IPO8: variants seen among roughly 807,000 people sequenced by gnomAD.
IPO8 encodes importin-8.
Under a neutral mutation model 141.2 loss-of-function variants are expected in IPO8, and 65 were observed. That is an observed-to-expected ratio of 0.46 (90% CI 0.38 to 0.57). The LOEUF is 0.57. Ranked by LOEUF, IPO8 falls within the 20% of genes least tolerant of loss-of-function variation. The pLI is 0.00. For synonymous variants in IPO8, 411 were observed against 420.3 expected (o/e 0.98, Z 0.27); for missense variants, 980 against 1,246.8 (o/e 0.79, Z 3.22).
At chr12:30,660,303 G>A (rs1369754438) in intron 16 of IPO8, among the ~76,000 whole-genome samples, 1 of 152,140 alleles carries the variant, frequency 6.6e-6, no homozygotes, top group Non-Finnish European at 1.5e-5. Flanking sequence ...TGCCATCAGT[G>A]CCAAACAAGT....
chr12:30,670,471 A>G (rs1025024057), intron 9 of IPO8, among the ~76,000 whole-genome samples: 1 of 152,182 alleles, frequency 6.6e-6, no homozygotes, highest in Non-Finnish European at 1.5e-5. Flanking sequence ...CCTTTAGGCA[A>G]ACGATATAGA....
chr12:30,645,524 A>G (rs966738530), intron 20 of IPO8, among the ~76,000 whole-genome samples: 9 of 152,160 alleles, frequency 5.9e-5, no homozygotes, highest in African/African-American at 2.2e-4. Flanking sequence ...GGGAAAAAAT[A>G]AGGATTAGAG....
At chr12:30,662,775 C>A (rs2052907198) in intron 14 of IPO8, among the ~76,000 whole-genome samples, 1 of 152,134 alleles carries the variant, frequency 6.6e-6, no homozygotes, top group Non-Finnish European at 1.5e-5. Context: ...ATTATACATA[C>A]ACTTGGTCAT....
Position 30,663,516 on chromosome 12 carries a change from G to A in IPO8, c.1567C>T (p.Gln523Ter). 1 of 1,613,174 alleles carries A rather than the reference G, an allele frequency of 6.2e-7. No homozygotes were observed. Among genetic ancestry groups the A allele is most frequent in the Non-Finnish European group, 8.5e-7 (1 of 1,179,614 alleles). The change falls in exon 14 of 25, where the codon CAG (glutamine) becomes TAG (stop). Residue 523 changes from glutamine to a stop codon, truncating the protein, a stop_gained. Coordinates refer to ENST00000256079, the MANE Select transcript of IPO8 (RefSeq NM_006390.4). LOFTEE classifies it high-confidence loss of function. ...TGTATCTGGTTAGAAATTAAAGACT[G>A]AAGAGCAAGGGCAGCTTCAACTTTG... ...PVKVEAALAL[Q>*]SLISNQIQAK...
At chr12:30,655,707 A>G (rs1283423770) in intron 17 of IPO8, among the ~76,000 whole-genome samples, 1 of 152,202 alleles carries the variant, frequency 6.6e-6, no homozygotes, top group Non-Finnish European at 1.5e-5. Flanking sequence ...ATAGTATCCC[A>G]CTGTTTATAT....
chr12:30,675,216 G>T (rs1359349269), intron 6 of IPO8, among the ~76,000 whole-genome samples: 1 of 152,130 alleles, frequency 6.6e-6, no homozygotes, highest in Non-Finnish European at 1.5e-5. Context: ...AATTTTAATA[G>T]ATACAAGAAC....
At chr12:30,690,834 T>A (rs763544089) in intron 1 of IPO8, among the ~76,000 whole-genome samples, 37 of 152,356 alleles carry the variant, frequency 2.4e-4, no homozygotes, top group Non-Finnish European at 4.6e-4. Context: ...CCAGAAGTAG[T>A]ATACCAATTT....
chr12:30,665,804 T>C lies in IPO8; in HGVS notation c.1263A>G (p.Thr421=), dbSNP rs1365448342. The change falls in exon 12 of 25, where the codon ACA becomes ACG. Residue 421 remains threonine (T), a synonymous_variant. Coordinates refer to ENST00000256079, the MANE Select transcript of IPO8 (RefSeq NM_006390.4). ...KMMAFCYQIL[T]DPNFDPRKKD... ...TCTTCCTAGGGTCAAAGTTCGGGTC[T>C]GTCAGGATTTGATAACAGAATGCCA... The C allele has an allele frequency of 8.1e-6, 13 of 1,613,644 alleles. No individual in the cohort carries two copies. The highest frequency in any genetic ancestry group is 1.1e-5 in the Non-Finnish European group (13 of 1,179,784).
At chr12:30,643,337 G>A (rs963765059) in intron 20 of IPO8, among the ~76,000 whole-genome samples, 11 of 152,196 alleles carry the variant, frequency 7.2e-5, no homozygotes, top group African/African-American at 2.7e-4. Flanking sequence ...TAATTTACAG[G>A]AAATTTAGAG....
Position 30,676,912 on chromosome 12 carries a change from C to T in IPO8, c.640-325G>A, listed in dbSNP as rs970058192. 7 of 1,529,570 alleles carry T rather than the reference C, an allele frequency of 4.6e-6. No homozygotes were observed. In the East Asian group the frequency reaches 1.7e-4, roughly 37 times the overall value. 94.7% of individuals were successfully genotyped at this position (1,529,570 alleles called of 1,614,324 possible). A position where few individuals can be genotyped will look rare whatever the true frequency, so the allele number is the denominator to read the frequency against. ...ATGACTTACCCCTTTGAGGGTCAAA[C>T]TTTCCATTTTAACCACCTTGATGAA... On this transcript the variant is annotated intron_variant, in intron 5 of 24. Coordinates refer to ENST00000256079, the MANE Select transcript of IPO8 (RefSeq NM_006390.4).
intron 13 of IPO8, among the ~76,000 whole-genome samples, 196 bp from the exon 14 acceptor site, chr12:30,663,850 A>G (rs1258184301): frequency 1.3e-5 from 2 of 152,222 alleles, no homozygotes; most frequent in Non-Finnish European, 2.9e-5. Context: ...CTTCTAAATT[A>G]CCCATATGCA....
chr12:30,676,822 G>T, intron 5 of IPO8: 1 of 1,098,412 alleles, frequency 9.1e-7, no homozygotes, highest in South Asian at 1.4e-5. Context: ...TTTTTAAAAG[G>T]AAAAACAAAT....
In IPO8 at chr12:30,665,845, C is replaced by T. The variant is rs981878481; in HGVS notation, c.1222G>A (p.Val408Met). ...LYTAAKKRKE[V>M]LPKMMAFCYQ... Reference sequence around the variant, plus strand: ...CAGAATGCCATCATTTTTGGCAACACCTAAAGAAACAGAAGAATCCATTTA... The same window carrying T: ...CAGAATGCCATCATTTTTGGCAACATCTAAAGAAACAGAAGAATCCATTTA... The change falls in exon 12 of 25, where the codon GTG (valine) becomes ATG (methionine). Residue 408 changes from valine to methionine, a missense_variant and splice_region_variant. By Grantham distance (21) the Val-to-Met change is conservative (BLOSUM62 1). Coordinates refer to ENST00000256079, the MANE Select transcript of IPO8 (RefSeq NM_006390.4). 12 of 1,589,940 alleles carry T rather than the reference C, an allele frequency of 7.5e-6. No homozygotes were observed. The highest frequency in any genetic ancestry group is 1.3e-5 in the African/African-American group (1 of 74,352).
At chr12:30,683,917 T>C (rs772331954) in intron 3 of IPO8, among the ~76,000 whole-genome samples, 5 of 152,156 alleles carry the variant, frequency 3.3e-5, no homozygotes, top group Admixed American at 2.0e-4. Context: ...AGACAGGTAG[T>C]AGGTAAAAAT....
chr12:30,680,510 A>G lies in IPO8; in HGVS notation c.611T>C (p.Ile204Thr), dbSNP rs1403213277. The G allele has an allele frequency of 6.2e-7, 1 of 1,611,588 alleles. No individual in the cohort carries two copies. Among genetic ancestry groups the G allele is most frequent in the Non-Finnish European group, 8.5e-7 (1 of 1,178,964 alleles). Residue 204 changes from isoleucine (I) to threonine (T), a missense_variant, in exon 5 of 25, where the codon ATT becomes ACT. Ile to Thr is a moderately conservative substitution (Grantham distance 89). This residue lies in a region of IPO8 where 924 missense variants were observed against 1,153.9 expected (regional missense o/e 0.80). Coordinates refer to ENST00000256079, the MANE Select transcript of IPO8 (RefSeq NM_006390.4). ...SYYSVLLQKQ[I>T]LKIFYALVQY... is the part of the protein sequence containing the mutation. The stretch of plus-strand genomic sequence containing the variant: ...AACAAGTGCATAAAAGATTTTCAGA[A>G]TTTGTTTCTGCAGTAATACAGAATA...
chr12:30,637,117 C>A lies in IPO8; in HGVS notation c.2560G>T (p.Val854Leu). The A allele has an allele frequency of 6.2e-7, 1 of 1,613,896 alleles. No individual in the cohort carries two copies. Among genetic ancestry groups the A allele is most frequent in the South Asian group, 1.1e-5 (1 of 91,072 alleles). The change falls in exon 22 of 25, where the codon GTA (valine) becomes TTA (leucine). Residue 854 changes from valine to leucine, a missense_variant. Around this residue, in one of 3 missense-constraint regions of IPO8, gnomAD observed 924 missense variants for 1,153.9 expected, o/e 0.80. Transcript: ENST00000256079. ...ACAATCTGTCCCACCACAGCATCTA[C>A]TGCAGGAGGTCGATTTTGCAATTCC... ...LLELQNRPPA[V>L]DAVVGQIVPS...
intron 1 of IPO8, among the ~76,000 whole-genome samples, chr12:30,692,801 C>T (rs1344626679): frequency 6.6e-6 from 1 of 152,100 alleles, no homozygotes; most frequent in African/African-American, 2.4e-5. Context: ...TTTGCCTGGC[C>T]CATTCCTTCA....
chr12:30,636,909 G>T, intron 22 of IPO8, 73 bp downstream of exon 22: 2 of 1,197,002 alleles, frequency 1.7e-6, no homozygotes, highest in Non-Finnish European at 2.5e-6. Flanking sequence ...TCTCCATATA[G>T]ACTAGTATTC....
chr12:30,646,899 CTACAG>C (rs2052654596), intron 20 of IPO8, among the ~76,000 whole-genome samples: 1 of 152,210 alleles, frequency 6.6e-6, no homozygotes, highest in Non-Finnish European at 1.5e-5. Flanking sequence ...TCAAACTAAT[CTACAG>C]ATTCAGCACA....
Sources: gnomAD v4.1 joint callset for allele counts (sites outside exome capture counted in the v4.1 genomes callset) on GRCh38, gnomAD v4.1.1 for gene constraint, gnomAD v4.1.1 regional missense constraint, MANE v1.5 for transcripts, NCBI Gene and HGNC (gene_info 2026-07-23, HGNC 2026-07-21) for gene names.